Variants in FOXK2 observed in about 807,000 individuals in gnomAD.
FOXK2 encodes forkhead box K2, also known as forkhead box protein K2.
In FOXK2, 24 loss-of-function variants were observed where a neutral mutation model predicts 53.3. The observed-to-expected ratio is 0.45, with a 90% CI of 0.33 to 0.63. The LOEUF is 0.63. FOXK2 is among the 30% of genes least tolerant of loss of function. The pLI is 0.03. For missense variants in FOXK2, 952 were observed against 910.5 expected (o/e 1.05, Z -0.59); for synonymous variants, 505 against 407.1 (o/e 1.24, Z -2.89).
chr17:82,595,363 G>A (rs750777440), intron 8 of FOXK2, among the ~76,000 whole-genome samples: 52 of 152,242 alleles, frequency 3.4e-4, no homozygotes, highest in South Asian at 8.3e-4. Flanking sequence ...GTGCAGTGGC[G>A]TGATCACAGC....
intron 1 of FOXK2, among the ~76,000 whole-genome samples, chr17:82,532,260 T>A (rs756183056): frequency 2.0e-5 from 3 of 152,110 alleles, no homozygotes; most frequent in Non-Finnish European, 4.4e-5. Flanking sequence ...TTCTCCTGCC[T>A]CAGCTTTCCG....
intron 1 of FOXK2, among the ~76,000 whole-genome samples, chr17:82,540,632 T>G (rs1032729555): frequency 6.6e-6 from 1 of 152,132 alleles, no homozygotes; most frequent in Non-Finnish European, 1.5e-5. Flanking sequence ...GCCTGCCCAC[T>G]GGATGCTACT....
intron 1 of FOXK2, among the ~76,000 whole-genome samples, chr17:82,533,347 AG>A (rs2044490172): frequency 6.6e-6 from 1 of 152,044 alleles, no homozygotes; most frequent in East Asian, 1.9e-4. Context: ...AAAATTAGCC[AG>A]GCATGGTAGC....
intron 1 of FOXK2, among the ~76,000 whole-genome samples, chr17:82,555,352 C>T (rs1488054274): frequency 6.6e-6 from 1 of 152,142 alleles, no homozygotes; most frequent in Non-Finnish European, 1.5e-5. Flanking sequence ...TTCGCCCCCA[C>T]CTCCGTTCTG....
intron 1 of FOXK2, among the ~76,000 whole-genome samples, chr17:82,547,455 A>G (rs960304848): frequency 6.6e-6 from 1 of 152,046 alleles, no homozygotes; most frequent in African/African-American, 2.4e-5. Context: ...CATGCAGCCC[A>G]CGGGCCGTGG....
intron 8 of FOXK2, among the ~76,000 whole-genome samples, chr17:82,597,446 C>T (rs542570323): frequency 1.3e-5 from 2 of 152,298 alleles, no homozygotes; most frequent in Admixed American, 6.5e-5. Context: ...CTCCAGGGCT[C>T]TGCTGCCTTT....
intron 8 of FOXK2, among the ~76,000 whole-genome samples, chr17:82,597,318 G>A (rs2045324351): frequency 6.6e-6 from 1 of 152,244 alleles, no homozygotes; most frequent in African/African-American, 2.4e-5. Flanking sequence ...CTCATCAGGA[G>A]CATGTGCCCA....
intron 8 of FOXK2, chr17:82,596,090 G>C (rs2045307259): frequency 9.1e-7 from 1 of 1,097,340 alleles, no homozygotes; most frequent in Admixed American, 4.7e-5. Flanking sequence ...AGACACATTA[G>C]AGTCGGTTGA....
rs149135118 is a variant in FOXK2, at chr17:82,585,938, C to A, written c.1314C>A (p.Thr438=). ...TGTCCAGTCAGCCAGTCTTAATCAC[C>A]GTCCAGCGGCAGCTACCACAGGCCA... ...SPLSSQPVLI[T]VQRQLPQAIK... The change falls in exon 7 of 9, where the codon ACC becomes ACA. Residue 438 remains threonine, a synonymous_variant. Coordinates refer to ENST00000335255, the MANE Select transcript of FOXK2 (RefSeq NM_004514.4). 5.6e-6 allele frequency: 9 copies of A among 1,612,542 alleles called. No homozygotes were observed. The South Asian group carries it at 7.7e-5, about 14-fold the overall frequency.
At chr17:82,527,775 A>G (rs973671856) in intron 1 of FOXK2, among the ~76,000 whole-genome samples, 1 of 152,186 alleles carries the variant, frequency 6.6e-6, no homozygotes. Flanking sequence ...CTTAGTGTTT[A>G]GTACTTCTTC....
At chr17:82,533,364 C>T (rs1324020510) in intron 1 of FOXK2, among the ~76,000 whole-genome samples, 1 of 152,080 alleles carries the variant, frequency 6.6e-6, no homozygotes, top group Non-Finnish European at 1.5e-5. Flanking sequence ...GTAGCACACG[C>T]CTGTAATCCC....
rs900694809 is a variant in FOXK2 at position 82,538,456 on chromosome 17, A to G, written c.419+18149A>G. On this transcript the variant is annotated intron_variant, in intron 1 of 8. Transcript: ENST00000335255. The stretch of plus-strand genomic sequence containing the variant: ...GCCATGCTCGTGCCGCTGCGCTCCA[A>G]CCTGGGTGACAGACCAAGATCCTGT... 6.6e-5 allele frequency among the ~76,000 whole-genome samples: 10 copies of G among 152,230 alleles called. No homozygotes were observed. The South Asian group carries it at 2.1e-3, about 32-fold the overall frequency.
At chr17:82,522,225 C>T (rs898698317) in intron 1 of FOXK2, among the ~76,000 whole-genome samples, 3 of 151,650 alleles carry the variant, frequency 2.0e-5, no homozygotes, top group Admixed American at 1.3e-4. Flanking sequence ...TGGGCACAAG[C>T]GATCCTCCTG....
chr17:82,601,027 A>G, intron 8 of FOXK2: 1 of 405,824 alleles, frequency 2.5e-6, no homozygotes, highest in Non-Finnish European at 4.5e-6. Context: ...GCCAGCTGTT[A>G]ATAAAAATGT....
rs1216104249 is a variant in FOXK2, at chr17:82,571,725, A to G, written c.764A>G (p.Asp255Gly). 3.9e-6 allele frequency: 6 copies of G among 1,531,646 alleles called. No individual in the cohort carries two copies. The highest frequency in any genetic ancestry group is 3.5e-6 in the Non-Finnish European group (4 of 1,144,758). 94.9% of individuals were successfully genotyped at this position (1,531,646 alleles called of 1,614,324 possible). ...KEASGGDSPK[D>G]DSKPPYSYAQ... ...TTTGTGTTTGTTTTTTAAATACAGG[A>G]TGATTCAAAGCCGCCTTACTCCTAC... Residue 255 changes from aspartate (D) to glycine (G), a missense_variant and splice_region_variant, in exon 4 of 9, where the codon GAT becomes GGT. Transcript: ENST00000335255.
At chr17:82,568,884 A>AG (rs965356687) in intron 3 of FOXK2, among the ~76,000 whole-genome samples, 14 of 152,140 alleles carry the variant, frequency 9.2e-5, no homozygotes, top group African/African-American at 3.1e-4. Flanking sequence ...GGTGGCACGC[A>AG]GCTGTAATCT....
At chr17:82,586,353 CGG>C (rs1567985174) in intron 7 of FOXK2, among the ~76,000 whole-genome samples, 153 bp downstream of exon 7, 65 of 23,632 alleles carry the variant, frequency 2.8e-3, no homozygotes, top group African/African-American at 6.4e-3. Context: ...CAAAGGTAGG[CGG>C]AGGGGAAAGG....
intron 1 of FOXK2, among the ~76,000 whole-genome samples, chr17:82,543,126 G>A (rs1017361698): frequency 4.6e-5 from 7 of 152,234 alleles, no homozygotes; most frequent in African/African-American, 1.2e-4. Flanking sequence ...CATTTCCCAC[G>A]TGGGGGTTTC....
intron 4 of FOXK2, among the ~76,000 whole-genome samples, chr17:82,581,478 G>GTTTT (rs34849884): frequency 7.5e-6 from 1 of 134,104 alleles, no homozygotes. Flanking sequence ...TTTTGTGTGG[G>GTTTT]TTTTTTTTTT....
Sources: gnomAD v4.1 joint callset for allele counts (sites outside exome capture counted in the v4.1 genomes callset) on GRCh38, gnomAD v4.1.1 for gene constraint, MANE v1.5 for transcripts, NCBI Gene and HGNC (gene_info 2026-07-23, HGNC 2026-07-21) for gene names.